Variants in PRAMEF25 observed in about 807,000 individuals in gnomAD.
The protein encoded by PRAMEF25 is PRAME family member 25.
At chr1:13,071,247 C>CA (rs1642345827) in intron 1 of PRAMEF25, 1 of 78,410 alleles carries the variant, frequency 1.3e-5, no homozygotes, top group South Asian at 6.3e-4. Context: ...CTCTACACAA[C>CA]GTTTTTTTTT....
intron 1 of PRAMEF25, 160 bp downstream of exon 1, chr1:13,071,067 T>G (rs1253145155): frequency 2.9e-5 from 4 of 139,914 alleles, no homozygotes; most frequent in Admixed American, 7.6e-5. Context: ...TAAATACAGT[T>G]CTGTCTTTAT....
chr1:13,070,948 A>AGAGT, intron 1 of PRAMEF25, 41 bp downstream of exon 1: 1 of 123,390 alleles, frequency 8.1e-6, no homozygotes, highest in Non-Finnish European at 1.9e-5. Flanking sequence ...CATCTGACCT[A>AGAGT]CAGTCAGCTG....
At chr1:13,070,963 G>C (rs1210730325) in intron 1 of PRAMEF25, 56 bp downstream of exon 1, 1 of 124,084 alleles carries the variant, frequency 8.1e-6, no homozygotes, top group Non-Finnish European at 1.8e-5. Flanking sequence ...CAGCTGGTCT[G>C]GGATGGTGAC....
intron 1 of PRAMEF25, 123 bp downstream of exon 1, chr1:13,071,030 C>T (rs1417881070): frequency 2.3e-5 from 3 of 131,140 alleles, no homozygotes; most frequent in African/African-American, 7.5e-5. Flanking sequence ...TTCATATGAA[C>T]AATTTGAAGC....
intron 1 of PRAMEF25, chr1:13,071,130 G>A (rs2100255552): frequency 7.4e-6 from 1 of 136,048 alleles, no homozygotes; most frequent in African/African-American, 2.5e-5. Flanking sequence ...TTCTTGAAGG[G>A]AGCAGTGACT....
intron 1 of PRAMEF25, chr1:13,071,522 C>T (rs1365737420): frequency 1.1e-5 from 1 of 93,222 alleles, no homozygotes; most frequent in Non-Finnish European, 2.2e-5. Flanking sequence ...TCCCAAAATG[C>T]TGGGATTAGA....
intron 1 of PRAMEF25, 36 bp downstream of exon 1, chr1:13,070,943 G>A (rs1380795376): frequency 1.6e-5 from 2 of 122,754 alleles, no homozygotes; most frequent in Admixed American, 9.2e-5. Flanking sequence ...ACTCCCATCT[G>A]ACCTACAGTC....
chr1:13,071,066 T>C (rs1182179465), intron 1 of PRAMEF25, 159 bp downstream of exon 1: 2 of 139,676 alleles, frequency 1.4e-5, no homozygotes, highest in Non-Finnish European at 3.2e-5. Context: ...CTAAATACAG[T>C]TCTGTCTTTA....
At chr1:13,071,020 TTC>T (rs1642342839) in intron 1 of PRAMEF25, 113 bp downstream of exon 1, 1 of 130,286 alleles carries the variant, frequency 7.7e-6, no homozygotes, top group Non-Finnish European at 1.8e-5. Context: ...CTTTTTTTTT[TTC>T]ATATGAACAA....
intron 1 of PRAMEF25, 139 bp downstream of exon 1, chr1:13,071,046 A>G (rs1288832789): frequency 7.3e-6 from 1 of 137,468 alleles, no homozygotes; most frequent in African/African-American, 2.5e-5. Flanking sequence ...GAAGCTTTGA[A>G]TGTTTTCCTC....
In PRAMEF25 at chr1:13,071,605, G is replaced by A. The variant is rs1267783757; in HGVS notation, c.-17+698G>A. On this transcript the variant is annotated intron_variant, in intron 1 of 3. Transcript: ENST00000619661. ...CTAGGCATGGTGGCATGCATCTGTA[G>A]CCCCAGCTATTTGGGTGGCTGGTGT... 5.2e-5 allele frequency: 3 copies of A among 58,134 alleles called. 1 individual carries two copies. Among genetic ancestry groups the A allele is most frequent in the Non-Finnish European group, 8.8e-5 (3 of 34,176 alleles). The allele number at this position is 58,134 out of a possible 1,614,324, so 3.6% of individuals were successfully genotyped here.
chr1:13,070,938 C>A (rs1642342065), intron 1 of PRAMEF25, 31 bp downstream of exon 1: 1 of 123,138 alleles, frequency 8.1e-6, no homozygotes, highest in Non-Finnish European at 1.9e-5. Flanking sequence ...AGGACACTCC[C>A]ATCTGACCTA....
At chr1:13,076,428 C>A (rs1449202616) in intron 3 of PRAMEF25, 1 of 62,620 alleles carries the variant, frequency 1.6e-5, no homozygotes, top group East Asian at 4.5e-4. Flanking sequence ...GGAAAGGGAG[C>A]TTTAGGGATT....
At chr1:13,071,486 C>G (rs1171100748) in intron 1 of PRAMEF25, 2 of 94,120 alleles carry the variant, frequency 2.1e-5, no homozygotes, top group African/African-American at 7.9e-5. Flanking sequence ...AAACGCCTGA[C>G]CTCAAGTGAT....
chr1:13,071,145 C>T (rs1183303656), intron 1 of PRAMEF25: 2 of 133,372 alleles, frequency 1.5e-5, no homozygotes, highest in Non-Finnish European at 3.4e-5. Flanking sequence ...GTGACTCATG[C>T]CTTTAACCCC....
Position 13,070,906 on chromosome 1 carries a change from T to C in PRAMEF25, c.-18T>C, listed in dbSNP as rs1430851439. 1.6e-4 allele frequency: 20 copies of C among 123,194 alleles called. 2 individuals carry two copies. The South Asian group carries it at 5.3e-3, about 33-fold the overall frequency. 7.6% of individuals were successfully genotyped at this position (123,194 alleles called of 1,614,324 possible). Reference sequence around the variant, plus strand: ...GCACCTTCTAAACTACATCCAGATCTGGTAAGTCATTAATTTCTGTAAGGA... The same window carrying C: ...GCACCTTCTAAACTACATCCAGATCCGGTAAGTCATTAATTTCTGTAAGGA... On this transcript the variant is annotated splice_region_variant and 5_prime_UTR_variant, in exon 1 of 4. Coordinates refer to ENST00000619661, the Ensembl canonical transcript of PRAMEF25.
intron 3 of PRAMEF25, chr1:13,076,510 T>TC (rs1299408364): frequency 2.4e-5 from 3 of 124,722 alleles, no homozygotes; most frequent in Admixed American, 1.5e-4. Flanking sequence ...TTTTTCTCCT[T>TC]TTTTTTTTTT....
At chr1:13,076,128 C>T (rs1366318504) in intron 3 of PRAMEF25, 29 of 368 alleles carry the variant, frequency 0.079, no homozygotes, top group African/African-American at 0.17. Context: ...CCCACAGTTC[C>T]GTGAACATGA....
In PRAMEF25 at chr1:13,070,975, G is replaced by C. The variant is rs1184829758; in HGVS notation, c.-17+68G>C. The C allele has an allele frequency of 2.4e-5, 3 of 124,112 alleles. 1 individual carries two copies. The highest frequency in any genetic ancestry group is 3.7e-5 in the Non-Finnish European group (2 of 54,300). The allele number at this position is 124,112 out of a possible 1,614,324, so 7.7% of individuals were successfully genotyped here. A position where few individuals can be genotyped will look rare whatever the true frequency, so the allele number is the denominator to read the frequency against. ...AGTCAGCTGGTCTGGGATGGTGACAGTGCAGCCTACGATGGCACAGAGCTA... is the reference window on the plus strand; with the variant it reads ...AGTCAGCTGGTCTGGGATGGTGACACTGCAGCCTACGATGGCACAGAGCTA... On this transcript the variant is annotated intron_variant, in intron 1 of 3. Transcript: ENST00000619661.
Sources: gnomAD v4.1 joint callset for allele counts on GRCh38, gnomAD v4.1.1 for gene constraint, MANE v1.5 for transcripts, NCBI Gene and HGNC (gene_info 2026-07-23, HGNC 2026-07-21) for gene names.